The following ZC3H12B variants were observed in gnomAD, a reference collection of about 807,000 sequenced individuals.
ZC3H12B encodes probable ribonuclease ZC3H12B.
ZC3H12B carries 7 observed loss-of-function variants against 43.9 expected under a neutral mutation model. The ratio of observed to expected loss-of-function variants is 0.16; its 90% CI spans 0.09 to 0.30. ZC3H12B has a LOEUF of 0.30. Ranked by LOEUF, ZC3H12B falls within the 10% of genes least tolerant of loss-of-function variation. ZC3H12B has a pLI of 1.00. For missense variants in ZC3H12B, 475 were observed against 670.2 expected (o/e 0.71, Z 3.22); for synonymous variants, 222 against 241.7 (o/e 0.92, Z 0.76).
At chrX:65,115,557 C>G in the ZC3H12B span, among the ~76,000 whole-genome samples, 1 of 111,409 alleles carries the variant, frequency 9.0e-6, no homozygotes, top group South Asian at 3.7e-4. Flanking sequence ...TTGTTTTCCT[C>G]TGGGTAGATA....
chrX:65,221,877 G>A, the ZC3H12B span, among the ~76,000 whole-genome samples: 1 of 108,853 alleles, frequency 9.2e-6, no homozygotes, highest in African/African-American at 3.3e-5. Context: ...CCAAAACCAG[G>A]AAATGACATA....
the ZC3H12B span, among the ~76,000 whole-genome samples, chrX:65,064,026 G>A: frequency 9.0e-6 from 1 of 111,644 alleles, no homozygotes; most frequent in East Asian, 2.8e-4. Context: ...TTTTTATTAT[G>A]TCTATTTGAT....
the ZC3H12B span, among the ~76,000 whole-genome samples, chrX:65,113,608 A>T: frequency 9.1e-6 from 1 of 110,101 alleles, no homozygotes; most frequent in African/African-American, 3.3e-5. Flanking sequence ...TGCTAGAGAG[A>T]AATCTTGCAT....
At chrX:65,094,441 G>A in the ZC3H12B span, among the ~76,000 whole-genome samples, 12 of 111,557 alleles carry the variant, frequency 1.1e-4, no homozygotes, top group East Asian at 2.6e-3. Flanking sequence ...ATTCTTCTCA[G>A]TGTACAAATG....
chrX:65,406,236 A>G (rs1249816105), intron 3 of ZC3H12B, among the ~76,000 whole-genome samples: 1 of 109,810 alleles, frequency 9.1e-6, no homozygotes, highest in Non-Finnish European at 1.9e-5. Flanking sequence ...CGATGCAAAA[A>G]TCCTCAACAA....
chrX:65,144,134 A>AT, the ZC3H12B span, among the ~76,000 whole-genome samples: 2 of 110,674 alleles, frequency 1.8e-5, no homozygotes, highest in Non-Finnish European at 3.8e-5. Context: ...TAGTCTTGGG[A>AT]TTTTTTTGTT....
At chrX:65,248,833 T>C in the ZC3H12B span, among the ~76,000 whole-genome samples, 1 of 112,046 alleles carries the variant, frequency 8.9e-6, no homozygotes, top group Non-Finnish European at 1.9e-5. Context: ...TGATCATTAG[T>C]GATGTTAAGC....
the ZC3H12B span, among the ~76,000 whole-genome samples, chrX:65,283,470 C>T: frequency 7.2e-5 from 8 of 111,349 alleles, no homozygotes; most frequent in Non-Finnish European, 1.5e-4. Flanking sequence ...GAAGTTCTGG[C>T]CAGGGCAATC....
At chrX:65,283,574 C>A in the ZC3H12B span, among the ~76,000 whole-genome samples, 1 of 111,663 alleles carries the variant, frequency 9.0e-6, no homozygotes, top group African/African-American at 3.3e-5. Flanking sequence ...TTTAGAAAAC[C>A]CCATCATCTC....
At chrX:65,480,042 T>A (rs754197572) in intron 3 of ZC3H12B, among the ~76,000 whole-genome samples, 25 of 112,715 alleles carry the variant, frequency 2.2e-4, no homozygotes, top group African/African-American at 7.4e-4. Context: ...GGCCTTATGT[T>A]CCCTACTTCC....
chrX:65,100,494 C>A, the ZC3H12B span, among the ~76,000 whole-genome samples: 3 of 92,521 alleles, frequency 3.2e-5, no homozygotes, highest in African/African-American at 8.0e-5. Context: ...TCAGGAGACC[C>A]ATTTCACATG....
At chrX:65,256,335 C>T in the ZC3H12B span, among the ~76,000 whole-genome samples, 1 of 111,469 alleles carries the variant, frequency 9.0e-6, no homozygotes, top group Non-Finnish European at 1.9e-5. Flanking sequence ...TTATACCAAA[C>T]ACATTCCAGG....
chrX:65,097,676 T>G, the ZC3H12B span, among the ~76,000 whole-genome samples: 1 of 112,385 alleles, frequency 8.9e-6, no homozygotes. Context: ...CTTTCTAGTT[T>G]GATAACCATT....
the ZC3H12B span, among the ~76,000 whole-genome samples, chrX:65,321,951 T>C: frequency 9.0e-6 from 1 of 111,181 alleles, no homozygotes; most frequent in Non-Finnish European, 1.9e-5. Flanking sequence ...CCATGTTTAA[T>C]ACCTGGGTGA....
At chrX:65,211,976 CTATATAA>C in the ZC3H12B span, among the ~76,000 whole-genome samples, 3 of 60,994 alleles carry the variant, frequency 4.9e-5, no homozygotes, top group Non-Finnish European at 8.0e-5. Context: ...GTTATGTATA[CTATATAA>C]TATATAATAT....
the ZC3H12B span, among the ~76,000 whole-genome samples, chrX:65,106,959 C>A: frequency 9.0e-6 from 1 of 111,336 alleles, no homozygotes; most frequent in African/African-American, 3.3e-5. Context: ...CAAACTCAAT[C>A]TGGTTCCAGA....
At chrX:65,144,039 C>T in the ZC3H12B span, among the ~76,000 whole-genome samples, 1 of 111,386 alleles carries the variant, frequency 9.0e-6, no homozygotes, top group African/African-American at 3.3e-5. Context: ...GGGGAAGGTT[C>T]CCTCTTCATT....
At chrX:65,326,534 G>T in the ZC3H12B span, among the ~76,000 whole-genome samples, 5 of 109,811 alleles carry the variant, frequency 4.6e-5, no homozygotes, top group African/African-American at 1.3e-4. Context: ...ATAAAGAGAA[G>T]TTGATTAATA....
the ZC3H12B span, among the ~76,000 whole-genome samples, chrX:65,173,908 T>G: frequency 9.0e-6 from 1 of 111,378 alleles, no homozygotes; most frequent in Non-Finnish European, 1.9e-5. Context: ...ACTGATGACC[T>G]TTGGATGGGG....
Sources: allele counts gnomAD v4.1 joint callset (sites outside exome capture counted in the v4.1 genomes callset), GRCh38; gene constraint gnomAD v4.1.1; transcripts MANE v1.5; gene names NCBI Gene and HGNC (gene_info 2026-07-23, HGNC 2026-07-21).